WASF2: variants seen among roughly 807,000 people sequenced by gnomAD.
WASF2 encodes the protein WASP family member 2, also known as actin-binding protein WASF2.
Under a neutral mutation model 45.0 loss-of-function variants are expected in WASF2, and 14 were observed. That is an observed-to-expected ratio of 0.31 (90% CI 0.21 to 0.49). WASF2 has a LOEUF of 0.49. WASF2 is among the 20% of genes least tolerant of loss of function. The probability of loss-of-function intolerance (pLI) is 0.99; values close to 1 mark genes in which losing one functional copy is unlikely to be tolerated. For missense variants in WASF2, 439 were observed against 636.1 expected (o/e 0.69, Z 3.33); for synonymous variants, 200 against 236.3 (o/e 0.85, Z 1.41).
chr1:27,446,225 C>A (rs979605488), intron 1 of WASF2, among the ~76,000 whole-genome samples: 5 of 151,964 alleles, frequency 3.3e-5, no homozygotes, highest in African/African-American at 1.2e-4. Flanking sequence ...TAGAAAAATG[C>A]AAGAAACTGG....
At chr1:27,465,553 T>C (rs929453818) in intron 1 of WASF2, among the ~76,000 whole-genome samples, 1 of 152,178 alleles carries the variant, frequency 6.6e-6, no homozygotes, top group African/African-American at 2.4e-5. Flanking sequence ...ACTACCTCCA[T>C]GATGACCCAC....
At chr1:27,435,148 T>C (rs1017131595) in intron 1 of WASF2, among the ~76,000 whole-genome samples, 1 of 152,120 alleles carries the variant, frequency 6.6e-6, no homozygotes, top group Admixed American at 6.5e-5. Flanking sequence ...GGTTTCTCCA[T>C]GTTGGTCAGG....
chr1:27,409,441 AAAAAAAAAAAAAAAAG>A (rs1312662703), intron 8 of WASF2, among the ~76,000 whole-genome samples: 1 of 149,850 alleles, frequency 6.7e-6, no homozygotes, highest in East Asian at 2.0e-4. Flanking sequence ...AAAAAAAAAA[AAAAAAAAAAAAAAAAG>A]AAAAGAAAAG....
chr1:27,416,114 A>G lies in WASF2; in HGVS notation c.420-12T>C, dbSNP rs774863503. 1.2e-6 allele frequency: 2 copies of G among 1,610,814 alleles called. No homozygotes were observed. Among genetic ancestry groups the G allele is most frequent in the Admixed American group, 1.7e-5 (1 of 60,012 alleles). On this transcript the variant is annotated splice_polypyrimidine_tract_variant and intron_variant, in intron 4 of 8. Coordinates refer to ENST00000618852, the MANE Select transcript of WASF2 (RefSeq NM_006990.5). ...CTTTTCCATCGTCCCTGGGATAGAAATGAAGACAAGTAGCTGTCAGTAGAC... is the reference window on the plus strand; with the variant it reads ...CTTTTCCATCGTCCCTGGGATAGAAGTGAAGACAAGTAGCTGTCAGTAGAC...
At chr1:27,448,322 T>C (rs996953966) in intron 1 of WASF2, among the ~76,000 whole-genome samples, 1 of 152,220 alleles carries the variant, frequency 6.6e-6, no homozygotes, top group African/African-American at 2.4e-5. Flanking sequence ...TTAAAAGCAG[T>C]GTATCATCCA....
intron 3 of WASF2, 121 bp from the exon 4 acceptor site, chr1:27,418,543 C>CT (rs551021561): frequency 5.4e-4 from 725 of 1,334,928 alleles, no homozygotes; most frequent in Non-Finnish European, 6.0e-4. Context: ...CGCAGCCAGG[C>CT]TTTTTTTTTC....
intron 1 of WASF2, among the ~76,000 whole-genome samples, chr1:27,475,519 G>A (rs2017754114): frequency 6.6e-6 from 1 of 152,172 alleles, no homozygotes; most frequent in South Asian, 2.1e-4. Context: ...CCTTCTCAGA[G>A]AAGCCTTTCC....
chr1:27,466,351 G>A (rs1475392892), intron 1 of WASF2, among the ~76,000 whole-genome samples: 7 of 152,080 alleles, frequency 4.6e-5, no homozygotes, highest in African/African-American at 1.4e-4. Context: ...ACGTACAACA[G>A]AAAAAGAGAC....
At chr1:27,454,833 A>G (rs990142282) in intron 1 of WASF2, among the ~76,000 whole-genome samples, 4 of 152,122 alleles carry the variant, frequency 2.6e-5, no homozygotes, top group African/African-American at 9.7e-5. Flanking sequence ...TATCATGATT[A>G]ACTTATCCAA....
At chr1:27,441,357 G>A (rs1346563769) in intron 1 of WASF2, among the ~76,000 whole-genome samples, 1 of 151,858 alleles carries the variant, frequency 6.6e-6, no homozygotes, top group Non-Finnish European at 1.5e-5. Context: ...GCTGGGCGTG[G>A]TGGCTCACAC....
chr1:27,421,211 A>G (rs781404988), intron 2 of WASF2, among the ~76,000 whole-genome samples: 1 of 152,130 alleles, frequency 6.6e-6, no homozygotes, highest in South Asian at 2.1e-4. Context: ...AAGCATTTCT[A>G]CTCTGCAGGT....
intron 1 of WASF2, among the ~76,000 whole-genome samples, chr1:27,449,239 C>G (rs974316583): frequency 3.3e-5 from 5 of 152,158 alleles, no homozygotes; most frequent in African/African-American, 1.2e-4. Context: ...TTCTCTGAGG[C>G]TGCTATGAGT....
At position 27,490,013 on chromosome 1, in the gene WASF2, C is replaced by T. The variant is rs888297718; in HGVS notation, c.-71G>A. On this transcript the variant is annotated 5_prime_UTR_variant, in exon 1 of 9. Transcript: ENST00000618852. ...GGCCTCCCGCAGTCGCCGTCAGCGA[C>T]AGGAAGGGTCGGCCGGCCGCCCAGT... is the stretch of plus-strand genomic sequence containing the variant. The T allele has an allele frequency of 6.6e-6, 1 of 152,300 alleles. No homozygotes were observed. Among genetic ancestry groups the T allele is most frequent in the Non-Finnish European group, 1.5e-5 (1 of 68,094 alleles). The allele number at this position is 152,300 out of a possible 1,614,324, so 9.4% of individuals were successfully genotyped here. A position where few individuals can be genotyped will look rare whatever the true frequency, so the allele number is the denominator to read the frequency against.
chr1:27,483,398 G>A (rs1420735177), intron 1 of WASF2, among the ~76,000 whole-genome samples: 1 of 152,080 alleles, frequency 6.6e-6, no homozygotes. Context: ...CTGAACCTGG[G>A]AGGCAGAAGT....
At chr1:27,473,688 C>T (rs555619523) in intron 1 of WASF2, among the ~76,000 whole-genome samples, 1 of 152,104 alleles carries the variant, frequency 6.6e-6, no homozygotes, top group Non-Finnish European at 1.5e-5. Context: ...TTTCTGGTCA[C>T]AAAAAACATC....
At chr1:27,472,791 T>C (rs2017708934) in intron 1 of WASF2, among the ~76,000 whole-genome samples, 1 of 136,446 alleles carries the variant, frequency 7.3e-6, no homozygotes, top group Non-Finnish European at 1.5e-5. Flanking sequence ...CAAGACCCCA[T>C]CTTTACCAAA....
chr1:27,487,207 T>C (rs982199829), intron 1 of WASF2, among the ~76,000 whole-genome samples: 2 of 145,986 alleles, frequency 1.4e-5, no homozygotes, highest in African/African-American at 5.0e-5. Flanking sequence ...TTCACACCAT[T>C]CTCCTGCCTC....
intron 1 of WASF2, among the ~76,000 whole-genome samples, chr1:27,435,302 C>CTG (rs1354368181): frequency 0.99 from 150,609 of 152,206 alleles, 74,531 homozygotes; most frequent in Middle Eastern, 1. Context: ...AAAAGAGACT[C>CTG]GGGCCAGGCA....
At chr1:27,450,732 C>T (rs1204101494) in intron 1 of WASF2, among the ~76,000 whole-genome samples, 1 of 152,032 alleles carries the variant, frequency 6.6e-6, no homozygotes, top group East Asian at 1.9e-4. Context: ...CTCCTGACCT[C>T]AGGTGATCTG....
Sources: allele counts gnomAD v4.1 joint callset (sites outside exome capture counted in the v4.1 genomes callset), GRCh38; gene constraint gnomAD v4.1.1; transcripts MANE v1.5; gene names NCBI Gene and HGNC (gene_info 2026-07-23, HGNC 2026-07-21).